Variants in COG5 observed in about 807,000 individuals in gnomAD.
The protein encoded by COG5 is conserved oligomeric Golgi complex subunit 5.
Under a neutral mutation model 110.4 loss-of-function variants are expected in COG5, and 86 were observed. That is an observed-to-expected ratio of 0.78 (90% confidence interval 0.65 to 0.93). The LOEUF is 0.93. COG5 is among the 40% of genes least tolerant of loss of function. The pLI is 0.00. For missense variants in COG5, 1,077 were observed against 987.0 expected, an observed-to-expected ratio of 1.09 and a Z score of -1.22; for synonymous variants, 360 against 334.6, an observed-to-expected ratio of 1.08 and a Z score of -0.83.
At chr7:107,545,648 C>T (rs12056231) in intron 5 of COG5, among the ~76,000 whole-genome samples, 19,298 of 151,520 alleles carry the variant, frequency 0.13, 1,495 homozygotes, top group Non-Finnish European at 0.17. Flanking sequence ...GGCGTGGTGG[C>T]GGGCACCTGT....
intron 7 of COG5, among the ~76,000 whole-genome samples, chr7:107,408,387 C>T (rs925199036): frequency 2.0e-5 from 3 of 152,208 alleles, no homozygotes; most frequent in African/African-American, 4.8e-5. Context: ...AGCTAACAAA[C>T]ACAGGAGAAG....
At chr7:107,241,765 T>C (rs981955742) in intron 17 of COG5, among the ~76,000 whole-genome samples, 33 of 152,120 alleles carry the variant, frequency 2.2e-4, no homozygotes, top group African/African-American at 7.7e-4. Context: ...GCTTCATATA[T>C]TTTTTAAAAT....
intron 17 of COG5, among the ~76,000 whole-genome samples, chr7:107,243,775 C>CA (rs1251547086): frequency 6.6e-6 from 1 of 152,130 alleles, no homozygotes; most frequent in East Asian, 1.9e-4. Context: ...GGACATAAAA[C>CA]AATCCTCAAC....
At chr7:107,543,670 G>A (rs1307332378) in intron 5 of COG5, among the ~76,000 whole-genome samples, 2 of 152,128 alleles carry the variant, frequency 1.3e-5, no homozygotes, top group Non-Finnish European at 2.9e-5. Context: ...CTCCAGACCA[G>A]CCCAAGTGGC....
intron 6 of COG5, among the ~76,000 whole-genome samples, chr7:107,492,557 G>GAC (rs998470387): frequency 2.0e-5 from 3 of 152,070 alleles, no homozygotes; most frequent in African/African-American, 7.2e-5. Context: ...TGGAACTGAG[G>GAC]ACCTCACTTC....
intron 19 of COG5, among the ~76,000 whole-genome samples, chr7:107,224,889 G>A (rs1436992554): frequency 1.3e-5 from 2 of 152,252 alleles, no homozygotes; most frequent in Non-Finnish European, 2.9e-5. Context: ...CGCTGCCTGA[G>A]AAACTATAAT....
At chr7:107,294,765 G>A (rs1298776744) in intron 12 of COG5, among the ~76,000 whole-genome samples, 3 of 139,420 alleles carry the variant, frequency 2.2e-5, no homozygotes, top group African/African-American at 8.1e-5. Flanking sequence ...GCCTGGGCTG[G>A]AGTGCAGTGG....
rs529551882 is a variant in COG5 at position 107,267,873 on chromosome 7, T to C, written c.1576-9490A>G. Among the ~76,000 whole-genome samples the C allele has an allele frequency of 5.3e-5, 8 of 152,242 alleles. No homozygotes were observed. In the South Asian group the frequency reaches 6.2e-4, roughly 12 times the overall value. Reference sequence around the variant, plus strand: ...GAGTTCGAGACCAGCCTGAACAACATAGTGAGATCCCCACCTCTATTTTTA... The same window carrying C: ...GAGTTCGAGACCAGCCTGAACAACACAGTGAGATCCCCACCTCTATTTTTA... On this transcript the variant is annotated intron_variant, in intron 14 of 21. Coordinates refer to ENST00000297135, the MANE Select transcript of COG5 (RefSeq NM_006348.5).
chr7:107,343,259 G>C (rs997390905), intron 10 of COG5, among the ~76,000 whole-genome samples: 3 of 152,064 alleles, frequency 2.0e-5, no homozygotes, highest in African/African-American at 7.2e-5. Flanking sequence ...AAAACTGTTG[G>C]GTTCTATGCT....
chr7:107,528,290 T>C (rs1435573375), intron 5 of COG5, among the ~76,000 whole-genome samples: 2 of 152,046 alleles, frequency 1.3e-5, no homozygotes, highest in Non-Finnish European at 2.9e-5. Flanking sequence ...GGTTTTGCCA[T>C]GTTGCCCAGG....
At chr7:107,503,019 C>T (rs1447132621) in intron 6 of COG5, among the ~76,000 whole-genome samples, 2 of 151,616 alleles carry the variant, frequency 1.3e-5, no homozygotes, top group East Asian at 3.9e-4. Context: ...TAACCAGGTC[C>T]CATTTATTTA....
Position 107,236,547 on chromosome 7 carries a change from A to G in COG5, c.1994T>C (p.Ile665Thr). 6.2e-7 allele frequency: 1 copy of G among 1,614,200 alleles called. No individual in the cohort carries two copies. Among genetic ancestry groups the G allele is most frequent in the East Asian group, 2.2e-5 (1 of 44,878 alleles). ...LDFVFDNTEAIAQRAVELFIR... is the reference protein window; with the variant it reads ...LDFVFDNTEATAQRAVELFIR... Reference sequence around the variant, plus strand: ...AAAAAGTTCAACAGCTCTTTGGGCAATAGCCTCAGTGTTGTCAAAGACAAA... The same window carrying G: ...AAAAAGTTCAACAGCTCTTTGGGCAGTAGCCTCAGTGTTGTCAAAGACAAA... Residue 665 changes from isoleucine (I) to threonine (T), a missense_variant, in exon 18 of 22, where the codon ATT becomes ACT. Coordinates refer to ENST00000297135, the MANE Select transcript of COG5 (RefSeq NM_006348.5).
chr7:107,545,654 C>T (rs1053946537), intron 5 of COG5, among the ~76,000 whole-genome samples: 4 of 151,692 alleles, frequency 2.6e-5, no homozygotes, highest in Non-Finnish European at 5.9e-5. Context: ...GTGGCGGGCA[C>T]CTGTAATCCC....
intron 6 of COG5, among the ~76,000 whole-genome samples, chr7:107,440,779 T>G (rs1360676360): frequency 3.3e-5 from 5 of 152,172 alleles, no homozygotes; most frequent in African/African-American, 1.2e-4. Context: ...TACATCAAGG[T>G]GCTGAGAGGT....
At chr7:107,386,288 C>T (rs1018101855) in intron 7 of COG5, among the ~76,000 whole-genome samples, 1 of 151,012 alleles carries the variant, frequency 6.6e-6, no homozygotes, top group South Asian at 2.1e-4. Context: ...GTCAAGGAGT[C>T]GGGGCCGGGG....
chr7:107,321,302 G>A (rs755382225), intron 11 of COG5, among the ~76,000 whole-genome samples: 1 of 152,078 alleles, frequency 6.6e-6, no homozygotes. Flanking sequence ...GCATTTATAA[G>A]AAAAAATGTA....
At chr7:107,370,687 G>A (rs1814064708) in intron 8 of COG5, among the ~76,000 whole-genome samples, 1 of 150,974 alleles carries the variant, frequency 6.6e-6, no homozygotes, top group African/African-American at 2.4e-5. Context: ...TCAGGAGGCT[G>A]AGACAGGCGA....
intron 12 of COG5, among the ~76,000 whole-genome samples, chr7:107,294,177 TCAC>T: frequency 6.6e-6 from 1 of 152,312 alleles, no homozygotes; most frequent in South Asian, 2.1e-4. Context: ...CATTTTCAAT[TCAC>T]CAGTTTCAAA....
chr7:107,313,606 CCT>C (rs1562964090), intron 11 of COG5, among the ~76,000 whole-genome samples: 1 of 151,968 alleles, frequency 6.6e-6, no homozygotes, highest in Non-Finnish European at 1.5e-5. Flanking sequence ...GAATTCTGTC[CCT>C]GTCTTTTCCA....
Sources: allele counts gnomAD v4.1 joint callset (sites outside exome capture counted in the v4.1 genomes callset), GRCh38; gene constraint gnomAD v4.1.1; transcripts MANE v1.5; gene names NCBI Gene and HGNC (gene_info 2026-07-23, HGNC 2026-07-21).